FAM240B: variants seen among roughly 807,000 people sequenced by gnomAD.
The protein encoded by FAM240B is protein FAM240B.
chr9:38,697,049 C>T (rs1257659359), intron 2 of FAM240B, among the ~76,000 whole-genome samples: 1 of 152,174 alleles, frequency 6.6e-6, no homozygotes, highest in Non-Finnish European at 1.5e-5. Flanking sequence ...TGACTTTTGT[C>T]ACCTAGGATC....
chr9:38,714,773 TA>T (rs1372056788), intron 1 of FAM240B, among the ~76,000 whole-genome samples: 1 of 152,156 alleles, frequency 6.6e-6, no homozygotes, highest in Non-Finnish European at 1.5e-5. Context: ...TCATGAAAGA[TA>T]AAGACTGAGA....
At chr9:38,705,101 A>T (rs1176883909) in intron 1 of FAM240B, among the ~76,000 whole-genome samples, 1 of 152,214 alleles carries the variant, frequency 6.6e-6, no homozygotes, top group Admixed American at 6.5e-5. Flanking sequence ...AGGCAGGCAG[A>T]TACAAATGCC....
At position 38,703,994 on chromosome 9, in the gene FAM240B, G is replaced by A. The variant is rs1821160374; in HGVS notation, c.6C>T (p.Asn2=). M[N]NQYIRREVFC... ...AGACTTCTCGACGGATGTATTGATTGTTCATCCCCTGAAATATACAAGTAA... is the reference window on the plus strand; with the variant it reads ...AGACTTCTCGACGGATGTATTGATTATTCATCCCCTGAAATATACAAGTAA... Residue 2 remains asparagine (N), a synonymous_variant, in exon 2 of 3, where the codon AAC becomes AAT. Coordinates refer to ENST00000637493, the MANE Select transcript of FAM240B (RefSeq NM_001394922.1). 1 of 397,550 alleles carries A rather than the reference G, an allele frequency of 2.5e-6. No individual in the cohort carries two copies. The highest frequency in any genetic ancestry group is 2.1e-5 in the African/African-American group (1 of 48,484). 24.6% of individuals were successfully genotyped at this position (397,550 alleles called of 1,614,324 possible). A position where few individuals can be genotyped will look rare whatever the true frequency, so the allele number is the denominator to read the frequency against.
rs532191583 is a variant in FAM240B, at chr9:38,701,591, G to A, written c.143+2266C>T. Among the ~76,000 whole-genome samples the A allele has an allele frequency of 1.4e-4, 22 of 152,300 alleles. No individual in the cohort carries two copies. The South Asian group carries it at 3.1e-3, about 22-fold the overall frequency. On this transcript the variant is annotated intron_variant, in intron 2 of 2. Coordinates refer to ENST00000637493, the MANE Select transcript of FAM240B (RefSeq NM_001394922.1). The stretch of plus-strand genomic sequence containing the variant: ...GAGGCTGAAGGAGAGACCACAGGGA[G>A]CCTCGCTTCCCCAGCTCCTGGTGGT...
intron 2 of FAM240B, among the ~76,000 whole-genome samples, chr9:38,703,474 G>T (rs1403525214): frequency 6.6e-6 from 1 of 152,148 alleles, no homozygotes; most frequent in Non-Finnish European, 1.5e-5. Context: ...AAACTAACTG[G>T]TCCTGAATTA....
chr9:38,704,112 T>G, intron 1 of FAM240B, 110 bp from the exon 2 acceptor site: 2 of 390,572 alleles, frequency 5.1e-6, no homozygotes, highest in Non-Finnish European at 9.0e-6. Context: ...CACTTGTTTT[T>G]TTTTTTTTTT....
At chr9:38,711,719 C>T (rs1362650806) in intron 1 of FAM240B, among the ~76,000 whole-genome samples, 2 of 148,330 alleles carry the variant, frequency 1.3e-5, no homozygotes, top group South Asian at 4.3e-4. Context: ...TTCAGTGGCT[C>T]GATCTCTGCT....
chr9:38,710,906 C>CGG (rs1821247450), intron 1 of FAM240B, among the ~76,000 whole-genome samples: 1 of 152,176 alleles, frequency 6.6e-6, no homozygotes, highest in Admixed American at 6.5e-5. Context: ...CCCGAAGTCA[C>CGG]CTTGTTGATG....
intron 2 of FAM240B, 67 bp downstream of exon 2, chr9:38,703,790 T>A: frequency 2.5e-6 from 1 of 398,636 alleles, no homozygotes. Context: ...CCTACCTGAG[T>A]CTTCATATCT....
intron 1 of FAM240B, among the ~76,000 whole-genome samples, chr9:38,718,801 T>G (rs1821337421): frequency 6.6e-6 from 1 of 152,162 alleles, no homozygotes; most frequent in Non-Finnish European, 1.5e-5. Flanking sequence ...TTTTAAATGG[T>G]CAATTAAAAT....
intron 1 of FAM240B, among the ~76,000 whole-genome samples, chr9:38,714,264 A>G (rs1226143990): frequency 6.6e-6 from 1 of 152,262 alleles, no homozygotes; most frequent in African/African-American, 2.4e-5. Flanking sequence ...AGGAAAAGAG[A>G]AAATCACCAT....
intron 2 of FAM240B, among the ~76,000 whole-genome samples, chr9:38,701,902 A>G (rs1821132198): frequency 7.2e-6 from 1 of 138,362 alleles, no homozygotes; most frequent in African/African-American, 2.8e-5. Flanking sequence ...TGGAAAAAAT[A>G]GGAGAACACA....
At chr9:38,705,963 C>T (rs1219580947) in intron 1 of FAM240B, among the ~76,000 whole-genome samples, 1 of 152,164 alleles carries the variant, frequency 6.6e-6, no homozygotes, top group Non-Finnish European at 1.5e-5. Flanking sequence ...AGGGTAGGGA[C>T]GATTGAAGGA....
intron 1 of FAM240B, among the ~76,000 whole-genome samples, chr9:38,714,510 G>A (rs10814745): frequency 6.6e-6 from 1 of 152,122 alleles, no homozygotes; most frequent in African/African-American, 2.4e-5. Context: ...CTTGGTGACC[G>A]AGGGGAAAGT....
chr9:38,707,655 G>A lies in FAM240B; in HGVS notation c.-3-3653C>T, dbSNP rs1003721470. On this transcript the variant is annotated intron_variant, in intron 1 of 2. Coordinates refer to ENST00000637493, the MANE Select transcript of FAM240B (RefSeq NM_001394922.1). ...AAAAAAACCAAAAAATTAGCTGGGC[G>A]TGGTGGCACATGCCTGTAATCCCAG... Among the ~76,000 whole-genome samples the A allele has an allele frequency of 3.3e-5, 5 of 151,472 alleles. No homozygotes were observed. In the South Asian group the frequency reaches 6.3e-4, roughly 19 times the overall value.
At chr9:38,699,322 A>G (rs187657894) in intron 2 of FAM240B, among the ~76,000 whole-genome samples, 2 of 152,272 alleles carry the variant, frequency 1.3e-5, no homozygotes, top group African/African-American at 2.4e-5. Context: ...TATTTTTCCT[A>G]TCTTATGCTA....
Position 38,703,033 on chromosome 9 carries a change from A to T in FAM240B, c.143+824T>A, listed in dbSNP as rs77915395. On this transcript the variant is annotated intron_variant, in intron 2 of 2. Transcript: ENST00000637493. Reference sequence around the variant, plus strand: ...TTCTCAAAATGTGTGTGGAGATCTTACAGATAGCTAATGTATTGAGGCCAA... The same window carrying T: ...TTCTCAAAATGTGTGTGGAGATCTTTCAGATAGCTAATGTATTGAGGCCAA... Among the ~76,000 whole-genome samples the T allele has an allele frequency of 6.9e-3, 1,046 of 152,218 alleles. 17 individuals carry two copies. Among genetic ancestry groups the T allele is most frequent in the African/African-American group, 0.024 (1,011 of 41,532 alleles).
chr9:38,710,988 G>A (rs973034634), intron 1 of FAM240B, among the ~76,000 whole-genome samples: 16 of 152,128 alleles, frequency 1.1e-4, no homozygotes, highest in African/African-American at 3.9e-4. Flanking sequence ...ACCCAGCCAC[G>A]GGACAGAGAG....
intron 2 of FAM240B, among the ~76,000 whole-genome samples, chr9:38,697,416 G>T (rs1478248462): frequency 2.0e-5 from 3 of 152,160 alleles, no homozygotes; most frequent in Non-Finnish European, 4.4e-5. Flanking sequence ...TATCAGGGCT[G>T]CCCTGCTGTC....
Sources: allele counts gnomAD v4.1 joint callset (sites outside exome capture counted in the v4.1 genomes callset), GRCh38; gene constraint gnomAD v4.1.1; transcripts MANE v1.5; gene names NCBI Gene and HGNC (gene_info 2026-07-23, HGNC 2026-07-21).